Variants in PLCH2 observed in about 807,000 individuals in gnomAD.
PLCH2 encodes phospholipase C eta 2.
PLCH2 carries 98 observed loss-of-function variants against 134.7 expected under a neutral mutation model. That is an observed-to-expected ratio of 0.73 (90% CI 0.62 to 0.86). The LOEUF is 0.86. PLCH2 is among the 40% of genes least tolerant of loss of function. The pLI is 0.00. For synonymous variants in PLCH2, 974 were observed against 827.5 expected (o/e 1.18, Z -3.04); for missense variants, 1,994 against 1,986.6 (o/e 1.00, Z -0.07).
At chr1:2,427,367 G>A (rs969173780) in intron 1 of PLCH2, among the ~76,000 whole-genome samples, 6 of 152,166 alleles carry the variant, frequency 3.9e-5, no homozygotes, top group Non-Finnish European at 7.4e-5. Flanking sequence ...AGCCGAACCC[G>A]CCCCAGCTCA....
chr1:2,459,976 C>T (rs1259410081), intron 2 of PLCH2, among the ~76,000 whole-genome samples: 1 of 152,252 alleles, frequency 6.6e-6, no homozygotes, highest in Non-Finnish European at 1.5e-5. Flanking sequence ...TCGCTCCCCT[C>T]TGGCCTGTTT....
At position 2,478,623 on chromosome 1, in the gene PLCH2, G is replaced by A. The variant is rs1479776883; in HGVS notation, c.271+1G>A. The A allele has an allele frequency of 1.2e-6, 2 of 1,607,046 alleles. No individual in the cohort carries two copies. Among genetic ancestry groups the A allele is most frequent in the Non-Finnish European group, 1.7e-6 (2 of 1,177,380 alleles). ...TCACGCAAGAACGAGAAGGCCAAGAGTGAGTGGGAGCCCTGGGGTGGGGAC... is the reference window on the plus strand; with the variant it reads ...TCACGCAAGAACGAGAAGGCCAAGAATGAGTGGGAGCCCTGGGGTGGGGAC... On this transcript the variant is annotated splice_donor_variant, in intron 2 of 21. Transcript: ENST00000378486. LOFTEE classifies it high-confidence loss of function.
chr1:2,473,833 C>T (rs993863377), upstream of PLCH2, among the ~76,000 whole-genome samples: 10 of 152,346 alleles, frequency 6.6e-5, no homozygotes, highest in African/African-American at 1.7e-4. Context: ...TATATCTGCC[C>T]GACCAGGACT....
At position 2,505,495 on chromosome 1, in the gene PLCH2, A is replaced by ACTT. The variant is rs1643493630; in HGVS notation, c.*283_*285dup. Reference sequence around the variant, plus strand: ...AAATATTTAAATTTTTAGAAGCAAAACTTATACAACATTAAAATGATACCA... The same window carrying ACTT: ...AAATATTTAAATTTTTAGAAGCAAAACTTCTTATACAACATTAAAATGATACCA... On this transcript the variant is annotated 3_prime_UTR_variant, in exon 22 of 22. Transcript: ENST00000378486. 1 of 485,112 alleles carries ACTT rather than the reference A, an allele frequency of 2.1e-6. No homozygotes were observed. Among genetic ancestry groups the ACTT allele is most frequent in the Non-Finnish European group, 3.6e-6 (1 of 276,014 alleles). The allele number at this position is 485,112 out of a possible 1,614,324, so 30.1% of individuals were successfully genotyped here.
intron 20 of PLCH2, chr1:2,500,803 TCCC>T (rs1643180033): frequency 3.4e-5 from 1 of 29,842 alleles, no homozygotes; most frequent in African/African-American, 1.5e-4. Context: ...CAGTCCTCCC[TCCC>T]CTCCCTCAGT....
chr1:2,418,403 T>TG, the PLCH2 span, among the ~76,000 whole-genome samples: 4 of 152,082 alleles, frequency 2.6e-5, no homozygotes, highest in South Asian at 4.2e-4. Context: ...CAGCGAGCTC[T>TG]GGGGGTCTCA....
chr1:2,477,552 G>C (rs945230280), intron 1 of PLCH2, among the ~76,000 whole-genome samples: 1 of 152,188 alleles, frequency 6.6e-6, no homozygotes, highest in South Asian at 2.1e-4. Flanking sequence ...CTTTCTGTGA[G>C]CAGGTGTGCA....
chr1:2,455,774 G>A (rs1213891229), intron 2 of PLCH2, among the ~76,000 whole-genome samples: 1 of 152,122 alleles, frequency 6.6e-6, no homozygotes, highest in Admixed American at 6.5e-5. Flanking sequence ...CGGGGAGTAT[G>A]GCCACCGGGA....
At chr1:2,469,563 C>G (rs1351100183) in intron 1 of PLCH2, among the ~76,000 whole-genome samples, 1 of 151,878 alleles carries the variant, frequency 6.6e-6, no homozygotes, top group African/African-American at 2.4e-5. Flanking sequence ...GGGCAGTGCC[C>G]TTTGCTGGGG....
intron 11 of PLCH2, chr1:2,494,415 G>A (rs969067543): frequency 3.1e-5 from 7 of 228,144 alleles, no homozygotes; most frequent in African/African-American, 1.4e-4. Flanking sequence ...GGATACCCGC[G>A]CACTGCGGGA....
rs147368166 is a variant in PLCH2, at chr1:2,432,609, C to T, written c.115+1980C>T. ...GTGTGCACCCGGCCCCCACACTCAG[C>T]GCCCTGGGCCCGGGGGCCCCTGCTG... On this transcript the variant is annotated intron_variant, in intron 2 of 3. Coordinates refer to the PLCH2 transcript ENST00000609981. Among the ~76,000 whole-genome samples, 6 of 152,306 alleles carry T rather than the reference C, an allele frequency of 3.9e-5. No homozygotes were observed. The East Asian group carries it at 1.2e-3, about 29-fold the overall frequency.
chr1:2,425,278 C>T (rs1285338875), upstream of PLCH2, among the ~76,000 whole-genome samples: 3 of 151,724 alleles, frequency 2.0e-5, no homozygotes, highest in South Asian at 4.2e-4. Flanking sequence ...TATACACACA[C>T]ATATATACAC....
intron 4 of PLCH2, 99 bp from the exon 5 acceptor site, chr1:2,484,349 A>G (rs1357456814): frequency 8.4e-7 from 1 of 1,184,918 alleles, no homozygotes; most frequent in Non-Finnish European, 1.2e-6. Flanking sequence ...GTGGGCTTGC[A>G]TGTTGGTCTT....
At chr1:2,472,850 C>G (rs1641396294), upstream of PLCH2, among the ~76,000 whole-genome samples, 1 of 152,072 alleles carries the variant, frequency 6.6e-6, no homozygotes, top group African/African-American at 2.4e-5. Context: ...GGGGCATGTG[C>G]AGTCCCCATG....
At chr1:2,477,459 C>T (rs1641697010) in intron 1 of PLCH2, among the ~76,000 whole-genome samples, 1 of 152,230 alleles carries the variant, frequency 6.6e-6, no homozygotes, top group African/African-American at 2.4e-5. Context: ...CTACAACGCC[C>T]CCGCCAGGGT....
At chr1:2,453,941 AGTGTGGGGGCCTCTGAGAGCCGAGT>A (rs540349582) in intron 2 of PLCH2, among the ~76,000 whole-genome samples, 4,595 of 150,640 alleles carry the variant, frequency 0.031, 191 homozygotes, top group African/African-American at 0.094. Context: ...GGCCCCAGCC[AGTGTGGGGGCCTCTGAGAGCCGAGT>A]GTGTGGGGGC....
chr1:2,476,380 A>G lies in PLCH2; in HGVS notation c.-209A>G. On this transcript the variant is annotated 5_prime_UTR_variant, in exon 1 of 22. Coordinates refer to ENST00000378486, the MANE Select transcript of PLCH2 (RefSeq NM_014638.4). ...ATAGGCTGGCCTGGGGGCCATCAGG[A>G]CAGCAGGTGACGGTCAGGCCAATGC... The G allele has an allele frequency of 2.0e-6, 1 of 503,944 alleles. No individual in the cohort carries two copies. Among genetic ancestry groups the G allele is most frequent in the East Asian group, 3.3e-5 (1 of 30,584 alleles). The allele number at this position is 503,944 out of a possible 1,614,324, so 31.2% of individuals were successfully genotyped here.
At chr1:2,494,672 C>T (rs937583416) in intron 11 of PLCH2, among the ~76,000 whole-genome samples, 184 bp from the exon 12 acceptor site, 2 of 152,166 alleles carry the variant, frequency 1.3e-5, no homozygotes, top group Non-Finnish European at 1.5e-5. Flanking sequence ...GGACTGGGAA[C>T]GGCTGCCACG....
chr1:2,453,134 G>A (rs1333702663), intron 2 of PLCH2, among the ~76,000 whole-genome samples: 2 of 152,146 alleles, frequency 1.3e-5, no homozygotes, highest in Admixed American at 1.3e-4. Context: ...CCCCCACCGT[G>A]CTACAAGCCT....
Sources: allele counts gnomAD v4.1 joint callset (sites outside exome capture counted in the v4.1 genomes callset), GRCh38; gene constraint gnomAD v4.1.1; transcripts MANE v1.5; gene names NCBI Gene and HGNC (gene_info 2026-07-23, HGNC 2026-07-21).